Variants in RNF38 observed in about 807,000 individuals in gnomAD.
RNF38 encodes the protein E3 ubiquitin-protein ligase RNF38.
Under a neutral mutation model 67.2 loss-of-function variants are expected in RNF38, and 15 were observed. That is an observed-to-expected ratio of 0.22 (90% CI 0.15 to 0.34). The LOEUF (loss-of-function observed/expected upper bound fraction) is 0.34. Ranked by LOEUF, RNF38 falls within the 10% of genes least tolerant of loss-of-function variation. The pLI, the probability that RNF38 is intolerant of heterozygous loss-of-function variation, is 1.00. For synonymous variants in RNF38, 220 were observed against 218.8 expected, an observed-to-expected ratio of 1.01 and a Z score of -0.05; for missense variants, 524 against 639.9, an observed-to-expected ratio of 0.82 and a Z score of 1.95.
chr9:36,465,878 G>A (rs1839848962), intron 1 of RNF38, among the ~76,000 whole-genome samples: 2 of 151,870 alleles, frequency 1.3e-5, no homozygotes, highest in Admixed American at 6.6e-5. Context: ...GTGAAACCCC[G>A]TCTCTACTAA....
chr9:36,374,921 T>C (rs1466426718), intron 3 of RNF38, among the ~76,000 whole-genome samples: 2 of 152,152 alleles, frequency 1.3e-5, no homozygotes, highest in Admixed American at 6.5e-5. Flanking sequence ...CTTCAACACA[T>C]TAATTGGGGA....
At chr9:36,440,723 G>C (rs1010206275) in intron 1 of RNF38, among the ~76,000 whole-genome samples, 3 of 152,124 alleles carry the variant, frequency 2.0e-5, no homozygotes, top group Non-Finnish European at 2.9e-5. Flanking sequence ...ATGGAACTGA[G>C]GACACATTGA....
intron 3 of RNF38, among the ~76,000 whole-genome samples, chr9:36,373,300 A>G (rs559648452): frequency 1.4e-4 from 21 of 152,248 alleles, no homozygotes; most frequent in Non-Finnish European, 2.2e-4. Context: ...ATGGAACATT[A>G]TATCACAGTA....
At chr9:36,376,469 A>G (rs1439642417) in intron 2 of RNF38, among the ~76,000 whole-genome samples, 1 of 152,184 alleles carries the variant, frequency 6.6e-6, no homozygotes, top group Non-Finnish European at 1.5e-5. Flanking sequence ...ACCACCTGAA[A>G]AATTACACTA....
chr9:36,470,580 A>C (rs930665398), intron 1 of RNF38, among the ~76,000 whole-genome samples: 2 of 152,190 alleles, frequency 1.3e-5, no homozygotes, highest in African/African-American at 4.8e-5. Context: ...TTATGTTATA[A>C]GCTATTTTTC....
At chr9:36,464,434 G>C (rs1009842085) in intron 1 of RNF38, among the ~76,000 whole-genome samples, 56 of 152,100 alleles carry the variant, frequency 3.7e-4, no homozygotes, top group African/African-American at 1.3e-3. Flanking sequence ...AGCCAGGTGT[G>C]GTGGCGCACA....
intron 3 of RNF38, chr9:36,372,431 CATTT>C (rs1835458601): frequency 1.6e-6 from 1 of 611,178 alleles, no homozygotes; most frequent in East Asian, 2.8e-5. Context: ...TGTTTTATTG[CATTT>C]ATTAATAGTA....
rs1372567739 is a variant in RNF38 at position 36,337,169 on chromosome 9, A to G, written c.*2583T>C. The G allele has an allele frequency of 6.6e-6, 1 of 152,212 alleles. No homozygotes were observed. The highest frequency in any genetic ancestry group is 1.5e-5 in the Non-Finnish European group (1 of 68,040). The allele number at this position is 152,212 out of a possible 1,614,324, so 9.4% of individuals were successfully genotyped here. ...AGGTGACCAATGGCTGGGCACAAAT[A>G]AACTTCTCTTTTGCTAGCCACAGAG... On this transcript the variant is annotated 3_prime_UTR_variant, in exon 12 of 12. Coordinates refer to ENST00000259605, the MANE Select transcript of RNF38 (RefSeq NM_022781.5).
intron 1 of RNF38, among the ~76,000 whole-genome samples, chr9:36,485,347 ATGAAT>A (rs1840381510): frequency 6.8e-6 from 1 of 146,122 alleles, no homozygotes; most frequent in African/African-American, 2.8e-5. Flanking sequence ...TTTTAGGTAA[ATGAAT>A]ATGTCTGCCC....
At chr9:36,380,895 T>G (rs567089212) in intron 2 of RNF38, among the ~76,000 whole-genome samples, 2 of 152,332 alleles carry the variant, frequency 1.3e-5, no homozygotes, top group East Asian at 3.9e-4. Flanking sequence ...ATTTGTATTT[T>G]TGATGCTCTC....
intron 2 of RNF38, among the ~76,000 whole-genome samples, chr9:36,422,660 T>C (rs531600539): frequency 2.6e-5 from 4 of 152,324 alleles, no homozygotes; most frequent in African/African-American, 2.4e-5. Context: ...TCCATTTCCA[T>C]TTAGGAAACA....
At chr9:36,347,738 A>G (rs1833378939) in intron 9 of RNF38, among the ~76,000 whole-genome samples, 1 of 152,220 alleles carries the variant, frequency 6.6e-6, no homozygotes, top group Admixed American at 6.5e-5. Flanking sequence ...ATGGCCTCTA[A>G]TTGTTCAAGT....
At chr9:36,484,257 T>A (rs1840347049) in intron 1 of RNF38, among the ~76,000 whole-genome samples, 1 of 152,116 alleles carries the variant, frequency 6.6e-6, no homozygotes, top group South Asian at 2.1e-4. Flanking sequence ...TTAGAAATAA[T>A]GAGAAATCTA....
chr9:36,441,141 A>G (rs561194734), intron 1 of RNF38, among the ~76,000 whole-genome samples: 40 of 152,224 alleles, frequency 2.6e-4, no homozygotes, highest in Admixed American at 2.2e-3. Flanking sequence ...GGAAAAGAAC[A>G]TACCTTTTTC....
At chr9:36,341,686 AC>A (rs1372090930) in intron 11 of RNF38, among the ~76,000 whole-genome samples, 1 of 152,064 alleles carries the variant, frequency 6.6e-6, no homozygotes, top group Non-Finnish European at 1.5e-5. Flanking sequence ...AGTCTGGGCA[AC>A]ATAGTGACAC....
intron 2 of RNF38, among the ~76,000 whole-genome samples, chr9:36,378,806 C>T (rs1564023712): frequency 6.6e-6 from 1 of 152,060 alleles, no homozygotes; most frequent in Non-Finnish European, 1.5e-5. Flanking sequence ...AGTAAAGTTA[C>T]CATCACTTCT....
chr9:36,423,932 G>A (rs1838701046), intron 2 of RNF38, among the ~76,000 whole-genome samples: 2 of 20,058 alleles, frequency 1.0e-4, no homozygotes, highest in Admixed American at 3.9e-4. Flanking sequence ...CTGGGCGACA[G>A]AGCGAGACTC....
At chr9:36,468,319 C>T (rs888348689) in intron 1 of RNF38, among the ~76,000 whole-genome samples, 7 of 151,040 alleles carry the variant, frequency 4.6e-5, no homozygotes, top group East Asian at 1.9e-4. Context: ...ATTACCAGAA[C>T]GCAGAATCCA....
intron 1 of RNF38, among the ~76,000 whole-genome samples, chr9:36,468,036 A>C (rs1043843259): frequency 1.3e-5 from 2 of 152,126 alleles, no homozygotes; most frequent in African/African-American, 4.8e-5. Context: ...TGAGCTCAGG[A>C]GTTCAAGACT....
Sources: allele counts gnomAD v4.1 joint callset (sites outside exome capture counted in the v4.1 genomes callset), GRCh38; gene constraint gnomAD v4.1.1; transcripts MANE v1.5; gene names NCBI Gene and HGNC (gene_info 2026-07-23, HGNC 2026-07-21).